TBC1D15: variants seen among roughly 807,000 people sequenced by gnomAD.
TBC1D15 encodes the protein TBC1 domain family member 15, also known as GAP for RAB7.
A neutral mutation model predicts 95.4 loss-of-function variants in TBC1D15; 39 were observed. The ratio of observed to expected loss-of-function variants is 0.41; its 90% CI spans 0.32 to 0.53. The LOEUF is 0.53. Among genes scored for constraint, TBC1D15 ranks in the 20% least tolerant of loss-of-function variants. The probability of loss-of-function intolerance (pLI) is 0.29; values close to 1 mark genes in which losing one functional copy is unlikely to be tolerated. For synonymous variants in TBC1D15, 258 were observed against 261.3 expected (o/e 0.99, Z 0.12); for missense variants, 733 against 794.3 (o/e 0.92, Z 0.93).
intron 16 of TBC1D15, 55 bp downstream of exon 16, chr12:71,921,509 C>A: frequency 1.8e-6 from 2 of 1,097,428 alleles, no homozygotes; most frequent in South Asian, 4.5e-5. Flanking sequence ...GGGTTGAGAT[C>A]AAGAAAGATT....
chr12:71,906,076 T>C (rs1900640143), intron 10 of TBC1D15, among the ~76,000 whole-genome samples: 1 of 152,236 alleles, frequency 6.6e-6, no homozygotes, highest in African/African-American at 2.4e-5. Context: ...TTTCGCCATG[T>C]TGGCCAAGCT....
At chr12:71,919,712 T>C (rs74104703) in intron 14 of TBC1D15, among the ~76,000 whole-genome samples, 4,184 of 152,276 alleles carry the variant, frequency 0.027, 196 homozygotes, top group African/African-American at 0.094. Flanking sequence ...TGGGTTAATG[T>C]ATTTATGCCT....
chr12:71,896,290 C>G, intron 8 of TBC1D15: 1 of 446,000 alleles, frequency 2.2e-6, no homozygotes, highest in Non-Finnish European at 3.9e-6. Flanking sequence ...TTATGATGTT[C>G]CTGGGGGTTG....
chr12:71,882,969 C>T (rs1895505910), intron 4 of TBC1D15, among the ~76,000 whole-genome samples: 1 of 151,990 alleles, frequency 6.6e-6, no homozygotes, highest in South Asian at 2.1e-4. Context: ...AACCTTTACT[C>T]TTGAATATGC....
chr12:71,904,270 G>T (rs1900142516), intron 10 of TBC1D15, among the ~76,000 whole-genome samples: 1 of 152,206 alleles, frequency 6.6e-6, no homozygotes, highest in Non-Finnish European at 1.5e-5. Context: ...GGAATAAGGA[G>T]ATCACTGGAG....
At chr12:71,843,051 G>C (rs1885450332) in intron 1 of TBC1D15, among the ~76,000 whole-genome samples, 1 of 152,066 alleles carries the variant, frequency 6.6e-6, no homozygotes, top group Admixed American at 6.6e-5. Context: ...TTGGGAGGCT[G>C]AGGTGGGTGG....
chr12:71,920,880 C>T (rs80351599), intron 15 of TBC1D15, 33 bp downstream of exon 15: 73,485 of 1,500,562 alleles, frequency 0.049, 1,986 homozygotes, highest in Non-Finnish European at 0.057. Flanking sequence ...TTTTAGTGTT[C>T]TGGCTTTTCT....
chr12:71,896,755 A>G lies in TBC1D15; in HGVS notation c.1063A>G (p.Arg355Gly). 1 of 1,611,636 alleles carries G rather than the reference A, an allele frequency of 6.2e-7. No individual in the cohort carries two copies. The change falls in exon 9 of 17, where the codon AGA becomes GGA. Residue 355 changes from arginine (R) to glycine (G), a missense_variant. Transcript: ENST00000485960. ...TCCCTGGGACAGTACCAAGGAGGAAAGAACCCAATTACAAAAGCAAAAAAC... is the reference window on the plus strand; with the variant it reads ...TCCCTGGGACAGTACCAAGGAGGAAGGAACCCAATTACAAAAGCAAAAAAC... ...YFPWDSTKEERTQLQKQKTDE... is the reference protein window; with the variant it reads ...YFPWDSTKEEGTQLQKQKTDE...
At chr12:71,890,849 A>T (rs960569993) in intron 5 of TBC1D15, among the ~76,000 whole-genome samples, 8 of 152,240 alleles carry the variant, frequency 5.3e-5, no homozygotes, top group Non-Finnish European at 1.0e-4. Flanking sequence ...TGGATAAAAG[A>T]ATCAGCTACA....
chr12:71,901,243 A>C (rs1423701455), intron 10 of TBC1D15, among the ~76,000 whole-genome samples: 1 of 152,146 alleles, frequency 6.6e-6, no homozygotes, highest in African/African-American at 2.4e-5. Context: ...GCTGGTCTCC[A>C]ACTCCTGGCC....
At chr12:71,885,970 CT>C (rs1896139568) in intron 5 of TBC1D15, among the ~76,000 whole-genome samples, 1 of 152,108 alleles carries the variant, frequency 6.6e-6, no homozygotes, top group Non-Finnish European at 1.5e-5. Context: ...GGCCAAAGAG[CT>C]GAGTAAAGTC....
At chr12:71,870,189 T>A (rs1892366585) in intron 1 of TBC1D15, among the ~76,000 whole-genome samples, 1 of 152,184 alleles carries the variant, frequency 6.6e-6, no homozygotes, top group South Asian at 2.1e-4. Context: ...TCCCAGGATA[T>A]ATTTGATAAT....
intron 10 of TBC1D15, among the ~76,000 whole-genome samples, chr12:71,905,082 A>G (rs1002611346): frequency 2.6e-5 from 4 of 152,198 alleles, no homozygotes; most frequent in African/African-American, 9.6e-5. Flanking sequence ...TAATTATAAA[A>G]TAACATTTTT....
At chr12:71,848,335 A>G (rs780314452) in intron 1 of TBC1D15, among the ~76,000 whole-genome samples, 9 of 152,130 alleles carry the variant, frequency 5.9e-5, no homozygotes, top group Non-Finnish European at 1.3e-4. Context: ...CAGTTGCTTC[A>G]TATTTTTGCC....
rs1413495947 is a variant in TBC1D15 at position 71,846,742 on chromosome 12, A to AT, written c.30+6937dup. Among the ~76,000 whole-genome samples, 7 of 123,004 alleles carry AT rather than the reference A, an allele frequency of 5.7e-5. No individual in the cohort carries two copies. The Admixed American group carries it at 5.7e-4, about 10-fold the overall frequency. 80.7% of individuals were successfully genotyped at this position (123,004 alleles called of 152,430 possible). A position where few individuals can be genotyped will look rare whatever the true frequency, so the allele number is the denominator to read the frequency against. ...CAACAATGGACTTTCTATGTAAATT[A>AT]TTTTTTATACAGCTTTTTTTTTTTT... On this transcript the variant is annotated intron_variant, in intron 1 of 16. Transcript: ENST00000485960.
intron 5 of TBC1D15, among the ~76,000 whole-genome samples, chr12:71,889,569 TA>T (rs1233062279): frequency 6.6e-6 from 1 of 152,160 alleles, no homozygotes; most frequent in East Asian, 1.9e-4. Context: ...CTATTCCAAG[TA>T]AATATTCACC....
chr12:71,875,199 A>G (rs1192870338), intron 3 of TBC1D15, among the ~76,000 whole-genome samples: 2 of 152,206 alleles, frequency 1.3e-5, no homozygotes, highest in Non-Finnish European at 2.9e-5. Context: ...TTGGCCTCCC[A>G]AAGTGCTGGC....
Position 71,913,818 on chromosome 12 carries a change from C to CT in TBC1D15, c.1301-3dup. The CT allele has an allele frequency of 6.4e-7, 1 of 1,554,344 alleles. No homozygotes were observed. Among genetic ancestry groups the CT allele is most frequent in the Non-Finnish European group, 8.6e-7 (1 of 1,156,918 alleles). On this transcript the variant is annotated splice_region_variant and splice_polypyrimidine_tract_variant and intron_variant, in intron 11 of 16. Transcript: ENST00000485960. ...GTTTTCAGAGATGATTTTTTCTTTT[C>CT]TTTTTAGGATATGTTCAAGGAATGA... is the stretch of plus-strand genomic sequence containing the variant.
intron 1 of TBC1D15, among the ~76,000 whole-genome samples, chr12:71,856,115 A>G (rs1290802943): frequency 1.3e-5 from 2 of 152,156 alleles, no homozygotes; most frequent in African/African-American, 2.4e-5. Context: ...TTTCGTATTC[A>G]TTGTTCTCTG....
Sources: gnomAD v4.1 joint callset for allele counts (sites outside exome capture counted in the v4.1 genomes callset) on GRCh38, gnomAD v4.1.1 for gene constraint, MANE v1.5 for transcripts, NCBI Gene and HGNC (gene_info 2026-07-23, HGNC 2026-07-21) for gene names.